Variants in SPTA1 observed in about 807,000 individuals in gnomAD.
SPTA1 encodes the protein spectrin alpha, erythrocytic 1.
A neutral mutation model predicts 324.7 loss-of-function variants in SPTA1; 177 were observed. The observed-to-expected ratio is 0.55, with a 90% CI of 0.48 to 0.62. The LOEUF is 0.62. SPTA1 is among the 20% of genes least tolerant of loss of function. The pLI is 0.00. For synonymous variants in SPTA1, 1,195 were observed against 1,041.3 expected (o/e 1.15, Z -2.84); for missense variants, 3,162 against 2,883.6 (o/e 1.10, Z -2.21).
rs1207597914 is a variant in SPTA1 at position 158,613,701 on chromosome 1, A to G, written c.6989+20T>C. 1.9e-6 allele frequency: 3 copies of G among 1,613,402 alleles called. No individual in the cohort carries two copies. In the Admixed American group the frequency reaches 5.0e-5, roughly 27 times the overall value. ...AAACCCCCATCCCTGCTGCGGTCTG[A>G]CCCTTAGTCTTGTTCCTACCTCCCT... On this transcript the variant is annotated intron_variant, in intron 50 of 51. Transcript: ENST00000643759.
chr1:158,623,441 C>T (rs181939711), intron 42 of SPTA1, among the ~76,000 whole-genome samples: 211 of 152,232 alleles, frequency 1.4e-3, no homozygotes, highest in South Asian at 0.013. Flanking sequence ...ACTGTGTCCC[C>T]ACCCAAATCT....
chr1:158,651,487 C>G lies in SPTA1; in HGVS notation c.3376-19G>C. On this transcript the variant is annotated intron_variant, in intron 23 of 51. Transcript: ENST00000643759. ...TCAAATCCTGAATGGGAAAATTCAT[C>G]CAAAGCAGTGTAAATTCATCCAAAG... is the stretch of plus-strand genomic sequence containing the variant. The G allele has an allele frequency of 6.5e-7, 1 of 1,531,662 alleles. No homozygotes were observed. The highest frequency in any genetic ancestry group is 9.0e-7 in the Non-Finnish European group (1 of 1,105,876). 94.9% of individuals were successfully genotyped at this position (1,531,662 alleles called of 1,614,324 possible).
Position 158,611,131 on chromosome 1 carries a change from G to GCACGCACA in SPTA1, c.*132_*133insTGTGCGTG. 1.3e-5 allele frequency: 9 copies of GCACGCACA among 670,346 alleles called. No individual in the cohort carries two copies. Among genetic ancestry groups the GCACGCACA allele is most frequent in the Middle Eastern group, 3.9e-4 (1 of 2,594 alleles). The allele number at this position is 670,346 out of a possible 1,614,324, so 41.5% of individuals were successfully genotyped here. On this transcript the variant is annotated 3_prime_UTR_variant, in exon 52 of 52. Coordinates refer to ENST00000643759, the MANE Select transcript of SPTA1 (RefSeq NM_003126.4). ...AAATGTAATATGCACACAAACACAA[G>GCACGCACA]CACACACACACACACACACACACAC...
At chr1:158,631,348 C>T (rs1650662673) in intron 39 of SPTA1, among the ~76,000 whole-genome samples, 1 of 152,046 alleles carries the variant, frequency 6.6e-6, no homozygotes, top group Non-Finnish European at 1.5e-5. Context: ...AGTGAAGTAA[C>T]TCAGGAATGG....
At chr1:158,629,099 G>T (rs1650493418) in intron 39 of SPTA1, among the ~76,000 whole-genome samples, 2 of 151,762 alleles carry the variant, frequency 1.3e-5, no homozygotes, top group Non-Finnish European at 2.9e-5. Context: ...TGACACCAAA[G>T]CCAGGCGATA....
intron 13 of SPTA1, 23 bp from the exon 14 acceptor site, chr1:158,669,586 T>A: frequency 1.9e-6 from 3 of 1,614,122 alleles, no homozygotes; most frequent in Non-Finnish European, 2.5e-6. Flanking sequence ...TGAGTAAACT[T>A]ACTGTCAGCA....
chr1:158,657,633 A>G lies in SPTA1; in HGVS notation c.2649T>C (p.Ser883=), dbSNP rs1430063252. 1.5e-5 allele frequency: 24 copies of G among 1,613,968 alleles called. No homozygotes were observed. Among genetic ancestry groups the G allele is most frequent in the Non-Finnish European group, 1.9e-5 (22 of 1,180,016 alleles). Residue 883 remains serine (S), a synonymous_variant, in exon 19 of 52, where the codon TCT becomes TCC. Coordinates refer to ENST00000643759, the MANE Select transcript of SPTA1 (RefSeq NM_003126.4). ...GTCGCCTAGCAGCTCGAGCACGGAG[A>G]GACTCCATATTCTGGTTCAAACTCT... The part of the protein sequence containing the change: ...RVKSLNQNME[S]LRARAARRQN...
chr1:158,647,213 C>T (rs1000071795), intron 27 of SPTA1, among the ~76,000 whole-genome samples: 12 of 152,112 alleles, frequency 7.9e-5, no homozygotes, highest in African/African-American at 1.2e-4. Context: ...TGTGTGTTTT[C>T]GGCCTCATTA....
intron 35 of SPTA1, among the ~76,000 whole-genome samples, chr1:158,638,745 CAAAAAAAAAA>C (rs34072412): frequency 1.1e-5 from 1 of 92,214 alleles, no homozygotes. Flanking sequence ...GAGCTGGTAC[CAAAAAAAAAA>C]AAAAAAAAAA....
intron 18 of SPTA1, 117 bp downstream of exon 18, chr1:158,661,170 A>G (rs763400179): frequency 6.6e-7 from 1 of 1,504,374 alleles, no homozygotes; most frequent in Non-Finnish European, 9.2e-7. Context: ...AAGAGCATTA[A>G]GTGGGAAAAT....
At chr1:158,682,626 A>C (rs1481205683) in intron 3 of SPTA1, among the ~76,000 whole-genome samples, 1 of 152,184 alleles carries the variant, frequency 6.6e-6, no homozygotes, top group East Asian at 1.9e-4. Context: ...ACCCAGTTTT[A>C]AGATATATAA....
At position 158,639,858 on chromosome 1, in the gene SPTA1, G is replaced by A. The variant is rs139797540; in HGVS notation, c.4875+12C>T. 6.2e-4 allele frequency: 1,001 copies of A among 1,613,838 alleles called. 5 individuals are homozygous for A. In the African/African-American group the frequency reaches 0.01, roughly 16 times the overall value. On this transcript the variant is annotated intron_variant, in intron 34 of 51. Coordinates refer to ENST00000643759, the MANE Select transcript of SPTA1 (RefSeq NM_003126.4). ...AAACTCTTGTGTCTCTACTGTTTCC[G>A]GGTGCAATTACCTCTGAGAGCCAGA...
In SPTA1 at chr1:158,652,448, G is replaced by A; in HGVS notation, c.3375+19C>T. 1 of 1,613,740 alleles carries A rather than the reference G, an allele frequency of 6.2e-7. No homozygotes were observed. ...AAGCAAACAATGGCAACCTTCAAGA[G>A]AAGGTTCCTCTTTCTCACCTTTTGG... is the stretch of plus-strand genomic sequence containing the variant. On this transcript the variant is annotated intron_variant, in intron 23 of 51. Transcript: ENST00000643759.
intron 30 of SPTA1, among the ~76,000 whole-genome samples, chr1:158,643,651 C>T (rs1651782526): frequency 1.3e-5 from 2 of 152,178 alleles, no homozygotes; most frequent in Admixed American, 1.3e-4. Context: ...AGAACAGACA[C>T]TTCTCATGAC....
Position 158,620,227 on chromosome 1 carries a change from G to A in SPTA1, c.6360C>T (p.Thr2120=). Residue 2120 remains threonine, a synonymous_variant, in exon 44 of 52, where the codon ACC becomes ACT. Transcript: ENST00000643759. ...TTTCCAGCACCTCCACTGTTAACCAGGTATAAGGGCTGGAAGGCACACCTA... is the reference window on the plus strand; with the variant it reads ...TTTCCAGCACCTCCACTGTTAACCAAGTATAAGGGCTGGAAGGCACACCTA... ...KALGVPSSPY[T]WLTVEVLERT... 1 of 1,614,162 alleles carries A rather than the reference G, an allele frequency of 6.2e-7. No individual in the cohort carries two copies. Among genetic ancestry groups the A allele is most frequent in the Non-Finnish European group, 8.5e-7 (1 of 1,180,038 alleles).
intron 39 of SPTA1, among the ~76,000 whole-genome samples, chr1:158,629,248 C>G (rs1650521056): frequency 1.3e-5 from 2 of 151,284 alleles, no homozygotes; most frequent in South Asian, 4.2e-4. Flanking sequence ...GCCTAATATC[C>G]TTAATATTCT....
chr1:158,672,809 G>A (rs1353623865), intron 10 of SPTA1, among the ~76,000 whole-genome samples: 1 of 151,994 alleles, frequency 6.6e-6, no homozygotes, highest in African/African-American at 2.4e-5. Context: ...CAAAAAAGCA[G>A]AATATGGCCA....
In SPTA1 at chr1:158,672,288, G is replaced by A. The variant is rs1654082162; in HGVS notation, c.1351-92C>T. ...ATATAATAAATGCAAAGCCATTTAA[G>A]GATACAAAAATAAACAGCAAATGGG... On this transcript the variant is annotated intron_variant, in intron 10 of 51. Coordinates refer to ENST00000643759, the MANE Select transcript of SPTA1 (RefSeq NM_003126.4). 6.5e-6 allele frequency: 9 copies of A among 1,392,688 alleles called. No homozygotes were observed. In the East Asian group the frequency reaches 7.5e-5, roughly 12 times the overall value. 86.3% of individuals were successfully genotyped at this position (1,392,688 alleles called of 1,614,324 possible).
At chr1:158,663,013 T>A in intron 16 of SPTA1, 68 bp from the exon 17 acceptor site, 1 of 1,605,114 alleles carries the variant, frequency 6.2e-7, no homozygotes. Context: ...GAGTTTGTCA[T>A]GGTGGAAACG....
Sources: gnomAD v4.1 joint callset for allele counts (sites outside exome capture counted in the v4.1 genomes callset) on GRCh38, gnomAD v4.1.1 for gene constraint, MANE v1.5 for transcripts, NCBI Gene and HGNC (gene_info 2026-07-23, HGNC 2026-07-21) for gene names.